CAMK1D: variants seen among roughly 807,000 people sequenced by gnomAD.
CAMK1D encodes the protein calcium/calmodulin dependent protein kinase ID.
CAMK1D carries 9 observed loss-of-function variants against 47.7 expected under a neutral mutation model. The ratio of observed to expected loss-of-function variants is 0.19; its 90% CI spans 0.11 to 0.33. CAMK1D has a LOEUF of 0.33. CAMK1D is among the 10% of genes least tolerant of loss of function. The pLI, the probability that CAMK1D is intolerant of heterozygous loss-of-function variation, is 1.00. For missense variants in CAMK1D, 291 were observed against 488.7 expected (o/e 0.60, Z 3.81); for synonymous variants, 184 against 184.9 (o/e 0.99, Z 0.04).
intron 1 of CAMK1D, among the ~76,000 whole-genome samples, chr10:12,357,492 T>A (rs1436039325): frequency 6.6e-6 from 1 of 152,100 alleles, no homozygotes; most frequent in African/African-American, 2.4e-5. Context: ...ATTTTTGTAT[T>A]TTTGGTAGAG....
In CAMK1D at chr10:12,757,886, C is replaced by T. The variant is rs1198047282; in HGVS notation, c.300-3062C>T. ...TTTTTTTTTTTTTTTGAGATGGAGTCTTGCTCCATTGCTGGAGTGCAATGG... is the reference window on the plus strand; with the variant it reads ...TTTTTTTTTTTTTTTGAGATGGAGTTTTGCTCCATTGCTGGAGTGCAATGG... On this transcript the variant is annotated intron_variant, in intron 3 of 10. Coordinates refer to ENST00000619168, the MANE Select transcript of CAMK1D (RefSeq NM_153498.4). Among the ~76,000 whole-genome samples, 13 of 117,790 alleles carry T rather than the reference C, an allele frequency of 1.1e-4. No homozygotes were observed. In the Admixed American group the frequency reaches 1.5e-3, roughly 14 times the overall value. The allele number at this position is 117,790 out of a possible 152,430, so 77.3% of individuals were successfully genotyped here.
chr10:12,827,199 C>A (rs1185872032), intron 10 of CAMK1D, among the ~76,000 whole-genome samples: 1 of 149,974 alleles, frequency 6.7e-6, no homozygotes, highest in Non-Finnish European at 1.5e-5. Flanking sequence ...CTTTTCCCTC[C>A]CTGCCTCCCT....
chr10:12,543,012 G>A (rs1836246161), intron 1 of CAMK1D, among the ~76,000 whole-genome samples: 1 of 151,966 alleles, frequency 6.6e-6, no homozygotes, highest in South Asian at 2.1e-4. Flanking sequence ...CACCCAAAGT[G>A]TTGGGATTAC....
In CAMK1D at chr10:12,554,564, G is replaced by C. The variant is rs1176873958; in HGVS notation, c.224+1208G>C. 2.0e-4 allele frequency among the ~76,000 whole-genome samples: 30 copies of C among 149,220 alleles called. 6 individuals carry two copies. The highest frequency in any genetic ancestry group is 5.8e-4 in the African/African-American group (24 of 41,078). ...CATTTTTTCTTTTTTTCTCCAGGCA[G>C]GATCTTGCTCTGTTGCCCAGTCTGG... On this transcript the variant is annotated intron_variant, in intron 2 of 10. Coordinates refer to ENST00000619168, the MANE Select transcript of CAMK1D (RefSeq NM_153498.4).
At chr10:12,716,731 G>A (rs1328287316) in intron 3 of CAMK1D, among the ~76,000 whole-genome samples, 2 of 152,084 alleles carry the variant, frequency 1.3e-5, no homozygotes, top group Admixed American at 6.5e-5. Flanking sequence ...CTGGAACACT[G>A]GCTGAATTTT....
chr10:12,773,880 T>C (rs1837154778), intron 5 of CAMK1D, among the ~76,000 whole-genome samples: 1 of 152,004 alleles, frequency 6.6e-6, no homozygotes, highest in African/African-American at 2.4e-5. Flanking sequence ...GCCTGGGCAA[T>C]AGAGTGAGAC....
At chr10:12,763,114 A>G (rs1302662754) in intron 4 of CAMK1D, among the ~76,000 whole-genome samples, 1 of 152,176 alleles carries the variant, frequency 6.6e-6, no homozygotes, top group Non-Finnish European at 1.5e-5. Flanking sequence ...TGCAGCTTCC[A>G]TCCTGTGGAG....
chr10:12,626,675 A>G (rs941539040), intron 2 of CAMK1D, among the ~76,000 whole-genome samples: 1 of 152,136 alleles, frequency 6.6e-6, no homozygotes, highest in Non-Finnish European at 1.5e-5. Context: ...GGGTTTCACC[A>G]TGTTGGCCAG....
At chr10:12,569,014 A>T (rs956389033) in intron 2 of CAMK1D, among the ~76,000 whole-genome samples, 1 of 152,220 alleles carries the variant, frequency 6.6e-6, no homozygotes, top group African/African-American at 2.4e-5. Flanking sequence ...GGAGTGTAAT[A>T]TAAACTTCCA....
chr10:12,590,904 G>A (rs767456494), intron 2 of CAMK1D, among the ~76,000 whole-genome samples: 1 of 152,176 alleles, frequency 6.6e-6, no homozygotes, highest in Non-Finnish European at 1.5e-5. Context: ...ACAATGACTG[G>A]TCACATGAGA....
At chr10:12,643,247 C>T (rs1194360090) in intron 2 of CAMK1D, among the ~76,000 whole-genome samples, 1 of 152,154 alleles carries the variant, frequency 6.6e-6, no homozygotes, top group Admixed American at 6.5e-5. Context: ...ATGATTCACC[C>T]GCCTCAGCCT....
At chr10:12,643,902 C>CT (rs1278417807) in intron 2 of CAMK1D, among the ~76,000 whole-genome samples, 2 of 149,496 alleles carry the variant, frequency 1.3e-5, no homozygotes, top group African/African-American at 5.0e-5. Flanking sequence ...AAAAAAAAAT[C>CT]TAATGCGTGA....
chr10:12,353,583 G>T (rs1837413046), intron 1 of CAMK1D, among the ~76,000 whole-genome samples: 2 of 152,168 alleles, frequency 1.3e-5, no homozygotes, highest in Admixed American at 1.3e-4. Context: ...AAATGAGATT[G>T]AGGAAGCAAA....
rs367690351 is a variant in CAMK1D, at chr10:12,605,324, T to C, written c.224+51968T>C. On this transcript the variant is annotated intron_variant, in intron 2 of 10. Coordinates refer to ENST00000619168, the MANE Select transcript of CAMK1D (RefSeq NM_153498.4). ...TTCTAATATATAGTGTGATGGTGGA[T>C]AGAAACCATTCAAGTGTGTGTGTGT... Among the ~76,000 whole-genome samples, 24 of 130,640 alleles carry C rather than the reference T, an allele frequency of 1.8e-4. 2 individuals are homozygous for C. The highest frequency in any genetic ancestry group is 1.4e-3 in the Admixed American group (18 of 12,418). The allele number at this position is 130,640 out of a possible 152,430, so 85.7% of individuals were successfully genotyped here.
At chr10:12,769,614 C>T in intron 4 of CAMK1D, 59 bp from the exon 5 acceptor site, 1 of 1,587,602 alleles carries the variant, frequency 6.3e-7, no homozygotes. Flanking sequence ...AATGAGTCTT[C>T]CACAATTAAC....
At position 12,626,695 on chromosome 10, in the gene CAMK1D, G is replaced by A. The variant is rs553128212; in HGVS notation, c.225-40041G>A. Among the ~76,000 whole-genome samples the A allele has an allele frequency of 4.6e-5, 7 of 152,130 alleles. No homozygotes were observed. In the East Asian group the frequency reaches 1.2e-3, roughly 25 times the overall value. On this transcript the variant is annotated intron_variant, in intron 2 of 10. Transcript: ENST00000619168. ...TCACCATGTTGGCCAGGCTGGCCTCGAAATCCTGACCTCAGGTGATCTGCC... is the reference window on the plus strand; with the variant it reads ...TCACCATGTTGGCCAGGCTGGCCTCAAAATCCTGACCTCAGGTGATCTGCC...
intron 2 of CAMK1D, among the ~76,000 whole-genome samples, chr10:12,611,952 C>T (rs114109539): frequency 0.011 from 1,599 of 152,254 alleles, 29 homozygotes; most frequent in African/African-American, 0.036. Context: ...CTTATTTCTC[C>T]ACTTCATGAA....
chr10:12,412,305 A>G (rs1486157033), intron 1 of CAMK1D, among the ~76,000 whole-genome samples: 1 of 151,860 alleles, frequency 6.6e-6, no homozygotes, highest in Admixed American at 6.6e-5. Context: ...CCCTCTTTAC[A>G]GCGACTAGAA....
chr10:12,484,108 C>T (rs974223779), intron 1 of CAMK1D, among the ~76,000 whole-genome samples: 1 of 152,166 alleles, frequency 6.6e-6, no homozygotes, highest in Non-Finnish European at 1.5e-5. Context: ...GGTGGCGTTC[C>T]AAATGCTTCA....
Sources: allele counts gnomAD v4.1 joint callset (sites outside exome capture counted in the v4.1 genomes callset), GRCh38; gene constraint gnomAD v4.1.1; transcripts MANE v1.5; gene names NCBI Gene and HGNC (gene_info 2026-07-23, HGNC 2026-07-21).